The following GALNTL6 variants were observed in gnomAD, a reference collection of about 807,000 sequenced individuals.
GALNTL6 encodes polypeptide N-acetylgalactosaminyltransferase like 6.
GALNTL6 carries 46 observed loss-of-function variants against 73.7 expected under a neutral mutation model. That is an observed-to-expected ratio of 0.62 (90% CI 0.49 to 0.80). The LOEUF is 0.80. Ranked by LOEUF, GALNTL6 falls within the 30% of genes least tolerant of loss-of-function variation. GALNTL6 has a pLI of 0.00. For missense variants in GALNTL6, 604 were observed against 755.0 expected, an observed-to-expected ratio of 0.80 and a Z score of 2.34; for synonymous variants, 259 against 263.7, an observed-to-expected ratio of 0.98 and a Z score of 0.17.
At chr4:172,551,291 A>T (rs1735945557) in intron 5 of GALNTL6, among the ~76,000 whole-genome samples, 1 of 152,172 alleles carries the variant, frequency 6.6e-6, no homozygotes, top group African/African-American at 2.4e-5. Flanking sequence ...TAAATTAGGA[A>T]TCTAATTCTA....
chr4:172,906,753 G>A (rs1746916290), intron 8 of GALNTL6, among the ~76,000 whole-genome samples: 1 of 152,282 alleles, frequency 6.6e-6, no homozygotes, highest in East Asian at 1.9e-4. Flanking sequence ...CCCCTCCAGG[G>A]CCCTCTCATA....
At chr4:172,720,524 T>G (rs907819996) in intron 5 of GALNTL6, among the ~76,000 whole-genome samples, 2 of 152,198 alleles carry the variant, frequency 1.3e-5, no homozygotes, top group African/African-American at 4.8e-5. Context: ...CTATTCAAGA[T>G]GGAGTTGCTC....
intron 5 of GALNTL6, among the ~76,000 whole-genome samples, chr4:172,470,367 A>G (rs1733000807): frequency 6.6e-6 from 1 of 152,196 alleles, no homozygotes; most frequent in Non-Finnish European, 1.5e-5. Flanking sequence ...TGAATAATTA[A>G]CTGAATTAAT....
intron 2 of GALNTL6, among the ~76,000 whole-genome samples, chr4:171,934,500 A>G (rs1738282972): frequency 6.6e-6 from 1 of 152,222 alleles, no homozygotes; most frequent in Admixed American, 6.5e-5. Flanking sequence ...TGCAGCCTCA[A>G]TTTCCCAGGC....
chr4:172,840,988 A>C (rs978412291), intron 7 of GALNTL6, among the ~76,000 whole-genome samples: 3 of 152,194 alleles, frequency 2.0e-5, no homozygotes, highest in Non-Finnish European at 2.9e-5. Context: ...TCAGGTGTGC[A>C]TGAATCTCAA....
intron 2 of GALNTL6, among the ~76,000 whole-genome samples, chr4:172,114,799 G>A (rs1303479831): frequency 3.9e-5 from 6 of 151,986 alleles, no homozygotes; most frequent in African/African-American, 1.4e-4. Flanking sequence ...TAAAACTGAG[G>A]TGTTACATGA....
chr4:172,382,884 A>G (rs1360778350), intron 5 of GALNTL6, among the ~76,000 whole-genome samples: 3 of 140,566 alleles, frequency 2.1e-5, no homozygotes, highest in African/African-American at 7.3e-5. Context: ...CTATTTTCAC[A>G]CAATTTTTAA....
intron 5 of GALNTL6, among the ~76,000 whole-genome samples, chr4:172,415,750 G>A (rs772118580): frequency 6.6e-6 from 1 of 152,058 alleles, no homozygotes; most frequent in African/African-American, 2.4e-5. Context: ...TCTAAGGGGG[G>A]TCCGAGTGAG....
At chr4:172,425,923 T>C (rs569059784) in intron 5 of GALNTL6, among the ~76,000 whole-genome samples, 6 of 152,194 alleles carry the variant, frequency 3.9e-5, no homozygotes, top group African/African-American at 9.6e-5. Flanking sequence ...TGTGGACTTA[T>C]AGAAAATGTG....
At chr4:172,413,841 C>T in intron 5 of GALNTL6, among the ~76,000 whole-genome samples, 1 of 151,940 alleles carries the variant, frequency 6.6e-6, no homozygotes, top group Non-Finnish European at 1.5e-5. Context: ...TTAAGATTCC[C>T]TTTCCATTTA....
At chr4:171,968,314 A>G (rs1319614498) in intron 2 of GALNTL6, among the ~76,000 whole-genome samples, 3 of 152,140 alleles carry the variant, frequency 2.0e-5, no homozygotes, top group African/African-American at 7.2e-5. Flanking sequence ...AGGATTTGGC[A>G]GGGTCATTTC....
At chr4:171,864,803 T>C (rs1283088145) in intron 2 of GALNTL6, among the ~76,000 whole-genome samples, 1 of 152,006 alleles carries the variant, frequency 6.6e-6, no homozygotes, top group East Asian at 1.9e-4. Context: ...ACCAATCTTG[T>C]CCAAACAAAA....
chr4:172,170,996 C>T (rs900289953), intron 2 of GALNTL6, among the ~76,000 whole-genome samples: 2 of 152,152 alleles, frequency 1.3e-5, no homozygotes, highest in Non-Finnish European at 2.9e-5. Context: ...AGCAATAACA[C>T]ACATTAGTAC....
At chr4:171,968,994 G>A (rs919507835) in intron 2 of GALNTL6, among the ~76,000 whole-genome samples, 10 of 151,822 alleles carry the variant, frequency 6.6e-5, no homozygotes, top group South Asian at 4.2e-4. Context: ...ACACCACCAC[G>A]CCCGGCTAAT....
At chr4:172,908,532 C>T (rs1391244219) in intron 8 of GALNTL6, among the ~76,000 whole-genome samples, 1 of 151,516 alleles carries the variant, frequency 6.6e-6, no homozygotes, top group Admixed American at 6.6e-5. Flanking sequence ...CTAAATAATG[C>T]AGTGAAATCA....
chr4:171,893,076 G>A (rs1031157298), intron 2 of GALNTL6, among the ~76,000 whole-genome samples: 11 of 152,102 alleles, frequency 7.2e-5, no homozygotes, highest in Non-Finnish European at 1.2e-4. Flanking sequence ...TTATTATCCC[G>A]GTTTCACAAA....
At chr4:172,368,785 G>A (rs917893464) in intron 5 of GALNTL6, among the ~76,000 whole-genome samples, 6 of 152,326 alleles carry the variant, frequency 3.9e-5, no homozygotes, top group African/African-American at 1.4e-4. Flanking sequence ...TGAAGCCGCG[G>A]ACCCTTGCGG....
chr4:172,011,894 A>C (rs1330192161), intron 2 of GALNTL6, among the ~76,000 whole-genome samples: 3 of 152,114 alleles, frequency 2.0e-5, no homozygotes, highest in Non-Finnish European at 4.4e-5. Context: ...GAATAAATGA[A>C]TTTTTCATAG....
intron 5 of GALNTL6, among the ~76,000 whole-genome samples, chr4:172,734,820 G>A (rs966000377): frequency 2.3e-4 from 35 of 152,134 alleles, no homozygotes; most frequent in African/African-American, 7.0e-4. Flanking sequence ...CATCCCAGCC[G>A]CTCCAGCCAT....
Sources: gnomAD v4.1 joint callset for allele counts (sites outside exome capture counted in the v4.1 genomes callset) on GRCh38, gnomAD v4.1.1 for gene constraint, MANE v1.5 for transcripts, NCBI Gene and HGNC (gene_info 2026-07-23, HGNC 2026-07-21) for gene names.